Variants in FBXO39 observed in about 807,000 individuals in gnomAD.
FBXO39 encodes the protein F-box only protein 39.
In FBXO39, 22 loss-of-function variants were observed where a neutral mutation model predicts 36.6. That is an observed-to-expected ratio of 0.60 (90% confidence interval 0.43 to 0.86). The LOEUF (loss-of-function observed/expected upper bound fraction) is 0.86. FBXO39 is among the 40% of genes least tolerant of loss of function. The probability of loss-of-function intolerance (pLI) is 0.00; values close to 1 mark genes in which losing one functional copy is unlikely to be tolerated. For synonymous variants in FBXO39, 206 were observed against 205.8 expected (o/e 1.00, Z -0.01); for missense variants, 536 against 543.9 (o/e 0.99, Z 0.14).
Position 6,780,572 on chromosome 17 carries a change from G to GT in FBXO39, c.705dup (p.Ile236TyrfsTer7). On this transcript the variant is annotated frameshift_variant, in exon 2 of 4. Coordinates refer to ENST00000321535, the MANE Select transcript of FBXO39 (RefSeq NM_153230.3). LOFTEE classifies it high-confidence loss of function. ...GTGTCCCTGAACCTCAACTACAACT[G>GT]TATCTCCGACGAGCTGCTTGAGAAC... 1 of 1,613,972 alleles carries GT rather than the reference G, an allele frequency of 6.2e-7. No individual in the cohort carries two copies. The highest frequency in any genetic ancestry group is 8.5e-7 in the Non-Finnish European group (1 of 1,180,012).
chr17:6,784,519 C>CCAAAAA (rs58449687), intron 2 of FBXO39, among the ~76,000 whole-genome samples: 133,492 of 149,116 alleles, frequency 0.9, 59,343 homozygotes, highest in East Asian at 1. Flanking sequence ...AAAGACTCCA[C>CCAAAAA]CAAAAACAAA....
rs1477556890 is a variant in FBXO39 at position 6,787,646 on chromosome 17, A to G, written c.*218A>G. On this transcript the variant is annotated 3_prime_UTR_variant, in exon 4 of 4. Transcript: ENST00000321535. ...CTTTAAAGCGCTATGTTTACCAACT[A>G]TCCCGGTGTCATTTCTCTTTTTGTC... is the stretch of plus-strand genomic sequence containing the variant. 15 of 374,630 alleles carry G rather than the reference A, an allele frequency of 4.0e-5. No individual in the cohort carries two copies. Among genetic ancestry groups the G allele is most frequent in the Non-Finnish European group, 6.8e-5 (14 of 207,080 alleles). The allele number at this position is 374,630 out of a possible 1,614,324, so 23.2% of individuals were successfully genotyped here.
At chr17:6,782,984 G>A (rs985823268) in intron 2 of FBXO39, among the ~76,000 whole-genome samples, 2 of 152,076 alleles carry the variant, frequency 1.3e-5, no homozygotes, top group African/African-American at 4.8e-5. Flanking sequence ...CTTCTCTTTA[G>A]CACATGGATC....
At chr17:6,787,042 G>A in intron 3 of FBXO39, 86 bp downstream of exon 3, 1 of 1,435,700 alleles carries the variant, frequency 7.0e-7, no homozygotes, top group Admixed American at 2.2e-5. Context: ...GGCTGAATAA[G>A]GCAGTGGGGG....
intron 2 of FBXO39, 95 bp from the exon 3 acceptor site, chr17:6,786,685 C>T (rs1976576144): frequency 1.9e-6 from 2 of 1,047,882 alleles, no homozygotes; most frequent in East Asian, 5.0e-5. Context: ...TCATGGCTAT[C>T]AGGCCCAGAG....
chr17:6,777,905 G>A (rs1011234067), intron 1 of FBXO39, among the ~76,000 whole-genome samples: 8 of 152,210 alleles, frequency 5.3e-5, no homozygotes, highest in African/African-American at 7.2e-5. Context: ...CGGATGTGGC[G>A]GTGGGAAGGC....
Position 6,787,483 on chromosome 17 carries a change from CT to C in FBXO39, c.*56del, listed in dbSNP as rs1461636255. The C allele has an allele frequency of 3.0e-5, 48 of 1,604,016 alleles. No individual in the cohort carries two copies. In the South Asian group the frequency reaches 5.3e-4, roughly 18 times the overall value. The stretch of plus-strand genomic sequence containing the variant: ...AGCACTTTGAACTTGAAAATCATTT[CT>C]CTTAGAACTACACTTGGGCACTGCC... On this transcript the variant is annotated 3_prime_UTR_variant, in exon 4 of 4. Coordinates refer to ENST00000321535, the MANE Select transcript of FBXO39 (RefSeq NM_153230.3).
rs1976489885 is a variant in FBXO39, at chr17:6,780,297, C to T, written c.429C>T (p.Asn143=). 3 of 1,614,020 alleles carry T rather than the reference C, an allele frequency of 1.9e-6. No homozygotes were observed. The highest frequency in any genetic ancestry group is 2.7e-5 in the African/African-American group (2 of 74,912). The change falls in exon 2 of 4, where the codon AAC becomes AAT. Residue 143 remains asparagine (N), a synonymous_variant. Transcript: ENST00000321535. ...YLELDRLVWR[N]SIRSSFISSL... is the part of the protein sequence containing the mutation. ...AGCTGGACCGCCTGGTATGGAGGAA[C>T]AGCATCAGGAGCTCATTCATCAGCA...
At chr17:6,781,103 C>T (rs1439993480) in intron 2 of FBXO39, among the ~76,000 whole-genome samples, 2 of 152,252 alleles carry the variant, frequency 1.3e-5, no homozygotes, top group Non-Finnish European at 2.9e-5. Context: ...GTGGTACAGA[C>T]ACAAGGAATT....
At chr17:6,776,333 G>A (rs960426501) in intron 1 of FBXO39, 61 bp downstream of exon 1, 3 of 152,486 alleles carry the variant, frequency 2.0e-5, no homozygotes, top group African/African-American at 4.8e-5. Flanking sequence ...ACGGGAGAAT[G>A]CGGGCCGGAG....
chr17:6,787,328 C>A lies in FBXO39; in HGVS notation c.1229C>A (p.Thr410Lys), dbSNP rs571164016. Residue 410 changes from threonine to lysine, a missense_variant, in exon 4 of 4, where the codon ACG (threonine) becomes AAG (lysine). Transcript: ENST00000321535. ...AGAATTTATACAAACAGATATGAGA[C>A]GAATGAAGAGGACAAGACCCTGCAG... ...KARIYTNRYE[T>K]NEEDKTLQEI... 1 of 1,613,454 alleles carries A rather than the reference C, an allele frequency of 6.2e-7. No homozygotes were observed. The highest frequency in any genetic ancestry group is 1.3e-5 in the African/African-American group (1 of 74,688).
chr17:6,786,182 C>G (rs570453174), intron 2 of FBXO39, among the ~76,000 whole-genome samples: 115 of 152,324 alleles, frequency 7.5e-4, no homozygotes, highest in Admixed American at 6.5e-4. Context: ...GAATGAGATT[C>G]TGTTGTTTGC....
chr17:6,778,804 G>A (rs889388656), intron 1 of FBXO39, among the ~76,000 whole-genome samples: 2 of 152,122 alleles, frequency 1.3e-5, no homozygotes, highest in Non-Finnish European at 2.9e-5. Context: ...GATCTCTGCC[G>A]GGACTCTCTA....
rs1976578897 is a variant in FBXO39, at chr17:6,786,842, C to CGCATT, written c.1086_1087insGCATT (p.Ile363AlafsTer26). On this transcript the variant is annotated frameshift_variant, in exon 3 of 4. Coordinates refer to ENST00000321535, the MANE Select transcript of FBXO39 (RefSeq NM_153230.3). LOFTEE classifies it high-confidence loss of function. ...TCGACGAGGAGCTGCACCTCCTCATCATATCCTGCAGGAAGTTGTTTTACT... is the reference window on the plus strand; with the variant it reads ...TCGACGAGGAGCTGCACCTCCTCATCGCATTATATCCTGCAGGAAGTTGTTTTACT... 3.1e-6 allele frequency: 5 copies of CGCATT among 1,613,658 alleles called. No homozygotes were observed. The highest frequency in any genetic ancestry group is 4.2e-6 in the Non-Finnish European group (5 of 1,179,882).
intron 2 of FBXO39, 85 bp downstream of exon 2, chr17:6,780,976 G>T: frequency 7.2e-7 from 1 of 1,379,848 alleles, no homozygotes; most frequent in Non-Finnish European, 9.8e-7. Context: ...TCTTGGCTAG[G>T]CTCCCAAATG....
At position 6,778,238 on chromosome 17, in the gene FBXO39, G is replaced by A. The variant is rs148214366; in HGVS notation, c.-80-1551G>A. On this transcript the variant is annotated intron_variant, in intron 1 of 3. Coordinates refer to ENST00000321535, the MANE Select transcript of FBXO39 (RefSeq NM_153230.3). Reference sequence around the variant, plus strand: ...CACACATACAGACAAAAAGACACACGTCAAACACACTTGAACAGTTGCCTA... The same window carrying A: ...CACACATACAGACAAAAAGACACACATCAAACACACTTGAACAGTTGCCTA... Among the ~76,000 whole-genome samples the A allele has an allele frequency of 1.7e-3, 256 of 152,330 alleles. 1 individual carries two copies. The highest frequency in any genetic ancestry group is 5.9e-3 in the African/African-American group (246 of 41,566).
At position 6,780,075 on chromosome 17, in the gene FBXO39, G is replaced by C; in HGVS notation, c.207G>C (p.Arg69Ser). The C allele has an allele frequency of 6.2e-7, 1 of 1,614,140 alleles. No individual in the cohort carries two copies. The highest frequency in any genetic ancestry group is 8.5e-7 in the Non-Finnish European group (1 of 1,180,022). ...TCACCTTCAGCGGGAGACCTTCCAG[G>C]GTACATGCATCTGAAGTTGAGTCAG... is the stretch of plus-strand genomic sequence containing the variant. The part of the protein sequence containing the change: ...RTITFSGRPS[R>S]VHASEVESAV... The change falls in exon 2 of 4, where the codon AGG (arginine) becomes AGC (serine). Residue 69 changes from arginine (R) to serine (S), a missense_variant. Coordinates refer to ENST00000321535, the MANE Select transcript of FBXO39 (RefSeq NM_153230.3).
intron 2 of FBXO39, among the ~76,000 whole-genome samples, chr17:6,782,378 C>CA (rs1226342866): frequency 1.3e-5 from 2 of 152,012 alleles, no homozygotes; most frequent in South Asian, 2.1e-4. Flanking sequence ...GAGAAGACCG[C>CA]AAAAAACCAG....
chr17:6,784,743 G>C (rs1976546096), intron 2 of FBXO39, among the ~76,000 whole-genome samples: 1 of 150,948 alleles, frequency 6.6e-6, no homozygotes, highest in South Asian at 2.1e-4. Context: ...ATAAAATATT[G>C]ATGCAAGAAA....
Sources: allele counts gnomAD v4.1 joint callset (sites outside exome capture counted in the v4.1 genomes callset), GRCh38; gene constraint gnomAD v4.1.1; transcripts MANE v1.5; gene names NCBI Gene and HGNC (gene_info 2026-07-23, HGNC 2026-07-21).